Variants in PMP22 observed in about 807,000 individuals in gnomAD.
PMP22 encodes the protein Charcot-Marie-Tooth neuropathy 1A (greatly reduced nerve conduction velocity, hereditary motor sensory neuropathy Ia).
PMP22 carries 2 observed loss-of-function variants against 18.9 expected under a neutral mutation model. The ratio of observed to expected loss-of-function variants is 0.11; its 90% confidence interval spans 0.04 to 0.33. The LOEUF (loss-of-function observed/expected upper bound fraction) is 0.33, where lower values mean the gene tolerates loss of function less well. PMP22 is among the 10% of genes least tolerant of loss of function. PMP22 has a pLI of 1.00. For missense variants in PMP22, 169 were observed against 202.2 expected, an observed-to-expected ratio of 0.84 and a Z score of 1.00; for synonymous variants, 95 against 89.2, an observed-to-expected ratio of 1.07 and a Z score of -0.37.
intron 4 of PMP22, 119 bp downstream of exon 4, chr17:15,239,352 T>A: frequency 8.6e-7 from 1 of 1,160,828 alleles, no homozygotes. Context: ...ATGGAAAGCA[T>A]CCAGTGGGGA....
chr17:15,261,317 C>T lies in PMP22; in HGVS notation c.-34-556G>A, dbSNP rs1373441411. The stretch of plus-strand genomic sequence containing the variant: ...CCAGACCCCAGTGCTCTCCGCATTC[C>T]GTTTGTCTCCAAGTTTCCACCCAAC... On this transcript the variant is annotated intron_variant, in intron 1 of 4. Transcript: ENST00000312280. This position sits in a 1 kb window ranked among gnomAD's most constrained non-coding sequence, Gnocchi z 5.2. 6.6e-6 allele frequency: 1 copy of T among 152,666 alleles called. No homozygotes were observed. Among genetic ancestry groups the T allele is most frequent in the African/African-American group, 2.4e-5 (1 of 41,452 alleles). The allele number at this position is 152,666 out of a possible 1,614,324, so 9.5% of individuals were successfully genotyped here.
At position 15,258,759 on chromosome 17, in the gene PMP22, G is replaced by A. The variant is rs184453244; in HGVS notation, c.178+335C>T. On this transcript the variant is annotated intron_variant, in intron 3 of 4. Coordinates refer to ENST00000312280, the MANE Select transcript of PMP22 (RefSeq NM_000304.4). This position sits in a 1 kb window ranked among gnomAD's most constrained non-coding sequence, Gnocchi z 4.1. ...ATACACGTTTGATCCAATGTCCCAA[G>A]GGGGTCTGCCAAAGGCTTAGCTATC... The A allele has an allele frequency of 1.6e-3, 614 of 379,962 alleles. 9 individuals are homozygous for A. The highest frequency in any genetic ancestry group is 6.1e-3 in the Middle Eastern group (7 of 1,152). The allele number at this position is 379,962 out of a possible 1,614,324, so 23.5% of individuals were successfully genotyped here.
chr17:15,265,003 G>A (rs1457285672), intron 1 of PMP22, among the ~76,000 whole-genome samples, 151 bp downstream of exon 1: 1 of 152,100 alleles, frequency 6.6e-6, no homozygotes, highest in African/African-American at 2.4e-5. Context: ...GATATAAAAA[G>A]CCCTCTGAAT....
chr17:15,254,543 G>A (rs964164284), intron 3 of PMP22, among the ~76,000 whole-genome samples: 10 of 152,216 alleles, frequency 6.6e-5, no homozygotes, highest in Non-Finnish European at 1.3e-4. Flanking sequence ...GGCAGAGGAA[G>A]ATAAGGACTG....
intron 1 of PMP22, among the ~76,000 whole-genome samples, chr17:15,264,237 GATAGATAGATAGATAGATA>G (rs1909561702): frequency 1.0e-5 from 1 of 95,402 alleles, no homozygotes; most frequent in Non-Finnish European, 2.1e-5. Flanking sequence ...TAGGTAGATA[GATAGATAGATAGATAGATA>G]TAGATAGATA....
intron 4 of PMP22, among the ~76,000 whole-genome samples, chr17:15,233,031 A>T (rs138237450): frequency 6.6e-4 from 100 of 152,330 alleles, no homozygotes; most frequent in African/African-American, 2.3e-3. Context: ...ATATATTATT[A>T]CAAGATTGTC....
chr17:15,260,369 C>A lies in PMP22; in HGVS notation c.78+281G>T. 5 of 502,566 alleles carry A rather than the reference C, an allele frequency of 9.9e-6. No homozygotes were observed. The South Asian group carries it at 1.2e-4, about 12-fold the overall frequency. The allele number at this position is 502,566 out of a possible 1,614,324, so 31.1% of individuals were successfully genotyped here. A position where few individuals can be genotyped will look rare whatever the true frequency, so the allele number is the denominator to read the frequency against. Reference sequence around the variant, plus strand: ...AAAAAAAAAAGTTAAACAATCTTGTCAAATGAAGGTCGGGGACCCTAGATC... The same window carrying A: ...AAAAAAAAAAGTTAAACAATCTTGTAAAATGAAGGTCGGGGACCCTAGATC... On this transcript the variant is annotated intron_variant, in intron 2 of 4. Coordinates refer to ENST00000312280, the MANE Select transcript of PMP22 (RefSeq NM_000304.4).
At chr17:15,253,754 A>T (rs990850486) in intron 3 of PMP22, among the ~76,000 whole-genome samples, 2 of 151,998 alleles carry the variant, frequency 1.3e-5, no homozygotes, top group African/African-American at 2.4e-5. Context: ...GTCCTTCTGT[A>T]TGGAACCTCC....
At chr17:15,246,440 C>T (rs1203601619) in intron 3 of PMP22, among the ~76,000 whole-genome samples, 2 of 152,218 alleles carry the variant, frequency 1.3e-5, no homozygotes, top group Non-Finnish European at 2.9e-5. Context: ...AACAAGTCAG[C>T]TGTACAGAAA....
intron 3 of PMP22, among the ~76,000 whole-genome samples, chr17:15,240,241 C>T (rs1907204626): frequency 6.6e-6 from 1 of 152,112 alleles, no homozygotes; most frequent in Non-Finnish European, 1.5e-5. Context: ...AGAAAAATAG[C>T]TTAAAACCAC....
At chr17:15,250,633 TAG>T (rs148225752) in intron 3 of PMP22, among the ~76,000 whole-genome samples, 37 of 152,302 alleles carry the variant, frequency 2.4e-4, no homozygotes, top group Admixed American at 5.9e-4. Flanking sequence ...GCCCAAAACG[TAG>T]AGTCATCTAG....
intron 1 of PMP22, 107 bp from the exon 2 acceptor site, chr17:15,260,868 C>T: frequency 1.3e-6 from 1 of 786,272 alleles, no homozygotes; most frequent in Non-Finnish European, 2.1e-6. Flanking sequence ...CCTGGCCCAG[C>T]GCCCGCAGCC....
chr17:15,255,852 C>A (rs968516668), intron 3 of PMP22, among the ~76,000 whole-genome samples: 1 of 152,164 alleles, frequency 6.6e-6, no homozygotes, highest in African/African-American at 2.4e-5. Flanking sequence ...TGTCTGCCTG[C>A]CTCCCTTTGG....
intron 3 of PMP22, among the ~76,000 whole-genome samples, chr17:15,246,071 C>T (rs550995896): frequency 6.6e-6 from 1 of 152,016 alleles, no homozygotes; most frequent in Non-Finnish European, 1.5e-5. Flanking sequence ...TCACACAAGC[C>T]AGGTTATTAG....
Position 15,230,838 on chromosome 17 carries a change from T to C in PMP22, c.*79A>G, listed in dbSNP as rs1567698636. The C allele has an allele frequency of 1.3e-6, 2 of 1,541,104 alleles. No individual in the cohort carries two copies. The highest frequency in any genetic ancestry group is 1.1e-5 in the South Asian group (1 of 89,252). ...AGTTTGGGATTTTGGGCTAGCTCTT[T>C]TTTCTTTGTCTGCTTTCTGTTTTCC... On this transcript the variant is annotated 3_prime_UTR_variant, in exon 5 of 5. Transcript: ENST00000312280.
chr17:15,256,107 A>G lies in PMP22; in HGVS notation c.178+2987T>C, dbSNP rs374120318. On this transcript the variant is annotated intron_variant, in intron 3 of 4. Coordinates refer to ENST00000312280, the MANE Select transcript of PMP22 (RefSeq NM_000304.4). ...GAAAGTATACAAACACATTTAGAAA[A>G]ACGAGAAGGCAGGCGGAGTCAAAGT... Among the ~76,000 whole-genome samples the G allele has an allele frequency of 4.6e-5, 7 of 152,330 alleles. No individual in the cohort carries two copies. The East Asian group carries it at 9.6e-4, about 21-fold the overall frequency.
In PMP22 at chr17:15,258,281, A is replaced by G. The variant is rs961196548; in HGVS notation, c.178+813T>C. On this transcript the variant is annotated intron_variant, in intron 3 of 4. Transcript: ENST00000312280. This position sits in a 1 kb window ranked among gnomAD's most constrained non-coding sequence, Gnocchi z 4.1. ...CCACGGGCTCTTAACATCAATCGCTATGGCCTACCCAGCCACCAAAACAGC... is the reference window on the plus strand; with the variant it reads ...CCACGGGCTCTTAACATCAATCGCTGTGGCCTACCCAGCCACCAAAACAGC... 6.6e-6 allele frequency among the ~76,000 whole-genome samples: 1 copy of G among 152,080 alleles called. No homozygotes were observed. Among genetic ancestry groups the G allele is most frequent in the Non-Finnish European group, 1.5e-5 (1 of 68,022 alleles).
At chr17:15,231,328 G>A (rs1237936619) in intron 4 of PMP22, among the ~76,000 whole-genome samples, 1 of 152,114 alleles carries the variant, frequency 6.6e-6, no homozygotes, top group Non-Finnish European at 1.5e-5. Flanking sequence ...TACATTTTCT[G>A]CCCTATTTCT....
chr17:15,238,496 C>G (rs1906999556), intron 4 of PMP22, among the ~76,000 whole-genome samples: 1 of 152,188 alleles, frequency 6.6e-6, no homozygotes, highest in Non-Finnish European at 1.5e-5. Flanking sequence ...CTCCCAGTAC[C>G]TAGACATACT....
Sources: allele counts gnomAD v4.1 joint callset (sites outside exome capture counted in the v4.1 genomes callset), GRCh38; gene constraint gnomAD v4.1.1; non-coding constraint Gnocchi (gnomAD v3.1); transcripts MANE v1.5; gene names NCBI Gene and HGNC (gene_info 2026-07-23, HGNC 2026-07-21).